Variants in ATP11C observed in about 807,000 individuals in gnomAD.
ATP11C encodes the protein ATPase phospholipid transporting 11C (ATP11C blood group).
In ATP11C, 36 loss-of-function variants were observed where a neutral mutation model predicts 97.4. The ratio of observed to expected loss-of-function variants is 0.37; its 90% confidence interval spans 0.28 to 0.49. The LOEUF is 0.49. Among genes scored for constraint, ATP11C ranks in the 20% least tolerant of loss-of-function variants. The pLI is 0.98. For missense variants in ATP11C, 730 were observed against 824.6 expected, an observed-to-expected ratio of 0.89 and a Z score of 1.40; for synonymous variants, 275 against 290.9, an observed-to-expected ratio of 0.95 and a Z score of 0.56.
At chrX:139,924,284 T>C in intron 1 of ATP11C, 1 of 370,500 alleles carries the variant, frequency 2.7e-6, no homozygotes, top group South Asian at 2.4e-5. Flanking sequence ...CAGTAAGTGC[T>C]TTCAATGACA....
chrX:139,743,305 T>C (rs2081611445), intron 26 of ATP11C, among the ~76,000 whole-genome samples: 1 of 110,353 alleles, frequency 9.1e-6, no homozygotes, highest in East Asian at 2.8e-4. Flanking sequence ...TCGACATAAG[T>C]ATGGTGTTTG....
intron 1 of ATP11C, among the ~76,000 whole-genome samples, chrX:139,922,439 C>T (rs759823216): frequency 3.8e-5 from 4 of 106,429 alleles, no homozygotes; most frequent in South Asian, 4.2e-4. Context: ...CATTGAAGAT[C>T]GAGGTTTTGG....
intron 28 of ATP11C, among the ~76,000 whole-genome samples, chrX:139,735,406 G>A (rs1371858771): frequency 9.0e-6 from 1 of 111,595 alleles, no homozygotes; most frequent in Non-Finnish European, 1.9e-5. Flanking sequence ...TGAAGTCAGG[G>A]ATTCTTCTAC....
chrX:139,913,531 A>C (rs950220572), intron 1 of ATP11C, among the ~76,000 whole-genome samples: 1 of 111,441 alleles, frequency 9.0e-6, no homozygotes, highest in Non-Finnish European at 1.9e-5. Flanking sequence ...GAAGAATCAC[A>C]CAAGAAGTGA....
chrX:139,741,360 A>G (rs1248829802), intron 26 of ATP11C, among the ~76,000 whole-genome samples: 3 of 110,705 alleles, frequency 2.7e-5, no homozygotes, highest in African/African-American at 9.9e-5. Flanking sequence ...GGCTGCAGAT[A>G]TCTCAGTACT....
chrX:139,892,164 A>C (rs2084741552), intron 1 of ATP11C, among the ~76,000 whole-genome samples: 1 of 111,587 alleles, frequency 9.0e-6, no homozygotes, highest in Non-Finnish European at 1.9e-5. Flanking sequence ...GCCTAGTAAT[A>C]GATTTTTAAA....
intron 2 of ATP11C, among the ~76,000 whole-genome samples, chrX:139,824,336 A>G (rs1272736287): frequency 9.0e-6 from 1 of 110,553 alleles, no homozygotes; most frequent in African/African-American, 3.3e-5. Context: ...TGCAGAGTAC[A>G]TTAAAGTTTG....
chrX:139,754,498 A>G (rs922406300), intron 23 of ATP11C, among the ~76,000 whole-genome samples: 34 of 112,095 alleles, frequency 3.0e-4, no homozygotes, highest in African/African-American at 1.1e-3. Flanking sequence ...TCAGGCCAGC[A>G]TCATTCTGAT....
At chrX:139,798,489 T>C (rs1275207378) in intron 9 of ATP11C, 135 bp from the exon 10 acceptor site, 1 of 506,505 alleles carries the variant, frequency 2.0e-6, no homozygotes, top group Non-Finnish European at 3.2e-6. Context: ...ATATCATTTA[T>C]AGGATAATTT....
chrX:139,834,571 C>T (rs1454202521), intron 1 of ATP11C, among the ~76,000 whole-genome samples: 8 of 111,929 alleles, frequency 7.1e-5, no homozygotes, highest in Non-Finnish European at 1.5e-4. Context: ...ATTAGCAAGA[C>T]GTTTGAAATG....
chrX:139,789,855 C>T (rs1012286743), intron 12 of ATP11C, among the ~76,000 whole-genome samples: 2 of 109,751 alleles, frequency 1.8e-5, no homozygotes, highest in African/African-American at 3.3e-5. Context: ...CATGGTGAAA[C>T]CCCGTCTCTA....
At chrX:139,796,181 G>T in intron 12 of ATP11C, 92 bp downstream of exon 12, 1 of 657,096 alleles carries the variant, frequency 1.5e-6, no homozygotes, top group Non-Finnish European at 2.1e-6. Flanking sequence ...TTTTCCAAAT[G>T]TGACATGGTC....
At chrX:139,748,731 G>C (rs1310871037) in intron 24 of ATP11C, among the ~76,000 whole-genome samples, 1 of 111,831 alleles carries the variant, frequency 8.9e-6, no homozygotes, top group Non-Finnish European at 1.9e-5. Flanking sequence ...GATGCAATCA[G>C]CAAACTCTAG....
At chrX:139,857,828 TTA>T (rs1409022785) in intron 1 of ATP11C, among the ~76,000 whole-genome samples, 1 of 111,438 alleles carries the variant, frequency 9.0e-6, no homozygotes, top group Non-Finnish European at 1.9e-5. Flanking sequence ...TAAGGTAGAA[TTA>T]ATATACTTCA....
At chrX:139,928,073 G>A (rs1277925034) in intron 1 of ATP11C, among the ~76,000 whole-genome samples, 2 of 111,853 alleles carry the variant, frequency 1.8e-5, no homozygotes, top group African/African-American at 3.3e-5. Flanking sequence ...CTCCAGCTGC[G>A]CAGGAAAATG....
chrX:139,846,064 T>C (rs946412688), intron 1 of ATP11C, among the ~76,000 whole-genome samples: 3 of 112,074 alleles, frequency 2.7e-5, no homozygotes, highest in Non-Finnish European at 3.8e-5. Context: ...TATACGTTCA[T>C]ATTTAAAAGA....
At chrX:139,742,869 AAAAAAAAATATAT>A (rs1255440671) in intron 26 of ATP11C, among the ~76,000 whole-genome samples, 16 of 23,282 alleles carry the variant, frequency 6.9e-4, no homozygotes, top group African/African-American at 2.9e-3. Context: ...TAAATTAAAA[AAAAAAAAATATAT>A]ATATATATAT....
At chrX:139,878,524 T>A (rs1271771149) in intron 1 of ATP11C, among the ~76,000 whole-genome samples, 1 of 112,094 alleles carries the variant, frequency 8.9e-6, no homozygotes, top group Non-Finnish European at 1.9e-5. Flanking sequence ...TAACTATGGA[T>A]TACATAGATT....
Position 139,762,092 on chromosome X carries a change from C to T in ATP11C, c.2509G>A (p.Glu837Lys). Reference protein sequence around the residue: ...SHVGIGIKGKEGRQAARNSDY... With the variant: ...SHVGIGIKGKKGRQAARNSDY... ...CTATTCCTAGCTGCTTGGCGACCTT[C>T]TTTGCCTTTAATACCTAAAAGAGAG... The change falls in exon 22 of 30, where the codon GAA (glutamate) becomes AAA (lysine). Residue 837 changes from glutamate (E) to lysine (K), a missense_variant. Glu to Lys is a moderately conservative substitution (Grantham distance 56). Coordinates refer to ENST00000682941, the MANE Select transcript of ATP11C (RefSeq NM_001353812.2). The T allele has an allele frequency of 2.5e-6, 3 of 1,205,037 alleles. No homozygotes were observed. Among genetic ancestry groups the T allele is most frequent in the Non-Finnish European group, 3.4e-6 (3 of 891,656 alleles).
Sources: allele counts gnomAD v4.1 joint callset (sites outside exome capture counted in the v4.1 genomes callset), GRCh38; gene constraint gnomAD v4.1.1; transcripts MANE v1.5; gene names NCBI Gene and HGNC (gene_info 2026-07-23, HGNC 2026-07-21).